The following NIN variants were observed in gnomAD, a reference collection of about 807,000 sequenced individuals.
The protein encoded by NIN is ninein.
In NIN, 137 loss-of-function variants were observed where a neutral mutation model predicts 257.6. That is an observed-to-expected ratio of 0.53 (90% CI 0.46 to 0.61). The LOEUF (loss-of-function observed/expected upper bound fraction) is 0.61, where lower values mean the gene tolerates loss of function less well. Ranked by LOEUF, NIN falls within the 20% of genes least tolerant of loss-of-function variation. The pLI is 0.00. For synonymous variants in NIN, 918 were observed against 919.8 expected, an observed-to-expected ratio of 1.00 and a Z score of 0.04; for missense variants, 2,439 against 2,501.2, an observed-to-expected ratio of 0.98 and a Z score of 0.53.
chr14:50,766,710 G>A, intron 13 of NIN, 70 bp downstream of exon 13: 1 of 1,059,400 alleles, frequency 9.4e-7, no homozygotes, highest in East Asian at 2.4e-5. Context: ...TGGTGGCATT[G>A]CTCCTGTTCT....
rs531678463 is a variant in NIN, at chr14:50,762,053, AG to A, written c.1775-143del. 691 of 840,124 alleles carry A rather than the reference AG, an allele frequency of 8.2e-4. 3 individuals are homozygous for A. The highest frequency in any genetic ancestry group is 1.2e-3 in the Non-Finnish European group (641 of 533,888). The allele number at this position is 840,124 out of a possible 1,614,324, so 52.0% of individuals were successfully genotyped here. A position where few individuals can be genotyped will look rare whatever the true frequency, so the allele number is the denominator to read the frequency against. ...GATGTGAACTAATAGGAAATAACAG[AG>A]GCCAAGAGAAGTCTTTTCTCTTTTC... On this transcript the variant is annotated intron_variant, in intron 15 of 30. Coordinates refer to ENST00000530997, the MANE Select transcript of NIN (RefSeq NM_020921.4).
intron 17 of NIN, among the ~76,000 whole-genome samples, chr14:50,759,212 G>A (rs1021783953): frequency 6.6e-5 from 10 of 152,194 alleles, no homozygotes; most frequent in African/African-American, 9.6e-5. Context: ...CTGGAATCCA[G>A]TTTATTAATA....
At position 50,758,317 on chromosome 14, in the gene NIN, AATGTTCTTTGT is replaced by A; in HGVS notation, c.2702_2712del (p.Tyr901PhefsTer23). The A allele has an allele frequency of 6.2e-7, 1 of 1,614,168 alleles. No homozygotes were observed. Among genetic ancestry groups the A allele is most frequent in the Non-Finnish European group, 8.5e-7 (1 of 1,180,028 alleles). On this transcript the variant is annotated frameshift_variant, in exon 18 of 31. Transcript: ENST00000530997. LOFTEE classifies it high-confidence loss of function. ...TGTCTCTCGACGACCATGCTGTTCA[AATGTTCTTTGT>A]ATGTTTTCTCCAGCATCTCTCTCTC...
Position 50,757,706 on chromosome 14 carries a change from C to G in NIN, c.3324G>C (p.Leu1108Phe). Residue 1108 changes from leucine to phenylalanine, a missense_variant, in exon 18 of 31, where the codon TTG (leucine) becomes TTC (phenylalanine). Leu to Phe is a conservative substitution (Grantham distance 22, BLOSUM62 0). Around this residue, in one of 3 missense-constraint regions of NIN, gnomAD observed 2,043 missense variants for 2,050.2 expected, o/e 1.00. Transcript: ENST00000530997. The stretch of plus-strand genomic sequence containing the variant: ...CAAAAAACTCAGTAGCTGGCTCATC[C>G]AAACAAGAAGACATTACTAACCCTG... ...LEPGLVMSSC[L>F]DEPATEFFGN... is the part of the protein sequence containing the mutation. The G allele has an allele frequency of 6.2e-7, 1 of 1,614,184 alleles. No homozygotes were observed. Among genetic ancestry groups the G allele is most frequent in the Non-Finnish European group, 8.5e-7 (1 of 1,180,036 alleles).
At chr14:50,729,354 T>TGAACCTCTGGCCTCAAGCGATCCTCCC (rs2040575905) in intron 29 of NIN, among the ~76,000 whole-genome samples, 169 bp downstream of exon 29, 1 of 152,012 alleles carries the variant, frequency 6.6e-6, no homozygotes, top group Non-Finnish European at 1.5e-5. Context: ...ACTGCAGCCT[T>TGAACCTCTGGCCTCAAGCGATCCTCCC]GAACCTCTGG....
intron 2 of NIN, among the ~76,000 whole-genome samples, chr14:50,824,336 T>A (rs747150690): frequency 2.0e-5 from 3 of 152,214 alleles, no homozygotes; most frequent in Admixed American, 6.5e-5. Context: ...TTTCACTAAA[T>A]CAAACCTCTT....
intron 29 of NIN, chr14:50,727,467 G>C: frequency 8.4e-7 from 1 of 1,184,014 alleles, no homozygotes. Flanking sequence ...TTTGTAACAA[G>C]CTGATGTTTG....
At chr14:50,812,435 G>A (rs2044675796) in intron 3 of NIN, among the ~76,000 whole-genome samples, 1 of 152,180 alleles carries the variant, frequency 6.6e-6, no homozygotes, top group Non-Finnish European at 1.5e-5. Context: ...AAGCCACCAG[G>A]TGTAAAGCAC....
In NIN at chr14:50,792,800, G is replaced by A; in HGVS notation, c.347C>T (p.Ser116Phe). ...GRRSLPEFQE[S>F]VEEFPEVTVI... ...CGTCACTTCAGGAAACTCCTCCACG[G>A]ACTCTTGGAACTCGGGCAAGGACCT... Residue 116 changes from serine (S) to phenylalanine (F), a missense_variant, in exon 5 of 31, where the codon TCC becomes TTC. By Grantham distance (155) the Ser-to-Phe change is radical. Transcript: ENST00000530997. 3 of 1,614,162 alleles carry A rather than the reference G, an allele frequency of 1.9e-6. No homozygotes were observed. Among genetic ancestry groups the A allele is most frequent in the Non-Finnish European group, 2.5e-6 (3 of 1,180,026 alleles).
rs1333246351 is a variant in NIN at position 50,766,843 on chromosome 14, C to T, written c.1482G>A (p.Leu494=). ...ENELLENAEK[L]AEYENLTNKL... is the part of the protein sequence containing the mutation. The stretch of plus-strand genomic sequence containing the variant: ...TGTTTGTCAGATTCTCATATTCTGC[C>T]AACTTCTCTGCATTTTCTAGAAGCT... The change falls in exon 13 of 31, where the codon TTG becomes TTA. Residue 494 remains leucine, a synonymous_variant. Transcript: ENST00000530997. 6.2e-7 allele frequency: 1 copy of T among 1,613,998 alleles called. No homozygotes were observed. The highest frequency in any genetic ancestry group is 8.5e-7 in the Non-Finnish European group (1 of 1,179,988).
chr14:50,815,883 C>T (rs989160841), intron 3 of NIN, among the ~76,000 whole-genome samples: 1 of 152,082 alleles, frequency 6.6e-6, no homozygotes, highest in Admixed American at 6.5e-5. Context: ...GTGGCATGCA[C>T]CTGTAATCCC....
At chr14:50,814,218 G>A (rs988725610) in intron 3 of NIN, among the ~76,000 whole-genome samples, 1 of 152,134 alleles carries the variant, frequency 6.6e-6, no homozygotes, top group African/African-American at 2.4e-5. Flanking sequence ...TCCAAGACTG[G>A]TCCAAGGAAT....
In NIN at chr14:50,763,969, G is replaced by C. The variant is rs770601317; in HGVS notation, c.1636-5C>G. On this transcript the variant is annotated splice_region_variant and splice_polypyrimidine_tract_variant and intron_variant, in intron 14 of 30. Coordinates refer to ENST00000530997, the MANE Select transcript of NIN (RefSeq NM_020921.4). ...ATCTACTTGGTCTTGTAGTACCTGG[G>C]ATTTAAAAACCAACACTGGTCTTAG... is the stretch of plus-strand genomic sequence containing the variant. The C allele has an allele frequency of 1.4e-5, 22 of 1,611,414 alleles. No individual in the cohort carries two copies. Among genetic ancestry groups the C allele is most frequent in the African/African-American group, 4.0e-5 (3 of 74,796 alleles).
chr14:50,812,986 C>G (rs1311022232), intron 3 of NIN, among the ~76,000 whole-genome samples: 1 of 152,198 alleles, frequency 6.6e-6, no homozygotes, highest in East Asian at 1.9e-4. Context: ...AGTGTAGACA[C>G]TGGGCCCTTG....
intron 7 of NIN, among the ~76,000 whole-genome samples, chr14:50,775,140 T>G (rs1486444488): frequency 6.6e-6 from 1 of 152,180 alleles, no homozygotes; most frequent in East Asian, 1.9e-4. Context: ...CCAAAGGGGC[T>G]GGCTGCATCT....
chr14:50,744,795 G>C (rs370381090), intron 22 of NIN, among the ~76,000 whole-genome samples: 1 of 152,086 alleles, frequency 6.6e-6, no homozygotes, highest in Admixed American at 6.5e-5. Flanking sequence ...TTAGCCAGGC[G>C]TGGTGGTGCA....
At chr14:50,763,733 T>C (rs2042364460) in intron 15 of NIN, 93 bp downstream of exon 15, 1 of 1,126,528 alleles carries the variant, frequency 8.9e-7, no homozygotes, top group Non-Finnish European at 1.3e-6. Flanking sequence ...TTTTTCTTTT[T>C]TCAAGTTGCC....
chr14:50,741,519 G>GTAT (rs1555375840), intron 25 of NIN, 63 bp downstream of exon 25: 1 of 1,330,570 alleles, frequency 7.5e-7, no homozygotes, highest in Non-Finnish European at 9.9e-7. Context: ...TAACCAAGTT[G>GTAT]TCCTAAGATT....
At position 50,787,298 on chromosome 14, in the gene NIN, C is replaced by A. The variant is rs1463518129; in HGVS notation, c.435+5414G>T. Among the ~76,000 whole-genome samples the A allele has an allele frequency of 2.6e-5, 4 of 152,228 alleles. No homozygotes were observed. The East Asian group carries it at 7.7e-4, about 29-fold the overall frequency. ...GCCCCAATTGTATTAATTGCACAACCTTTTCTACCAGGCCTGAGTAATCGA... is the reference window on the plus strand; with the variant it reads ...GCCCCAATTGTATTAATTGCACAACATTTTCTACCAGGCCTGAGTAATCGA... On this transcript the variant is annotated intron_variant, in intron 5 of 30. Coordinates refer to ENST00000530997, the MANE Select transcript of NIN (RefSeq NM_020921.4).
Sources: gnomAD v4.1 joint callset for allele counts (sites outside exome capture counted in the v4.1 genomes callset) on GRCh38, gnomAD v4.1.1 for gene constraint, gnomAD v4.1.1 regional missense constraint, MANE v1.5 for transcripts, NCBI Gene and HGNC (gene_info 2026-07-23, HGNC 2026-07-21) for gene names.